MYPN: variants seen among roughly 807,000 people sequenced by gnomAD.
MYPN encodes sarcomeric protein myopalladin, 145 kDa (MYOP).
In MYPN, 63 loss-of-function variants were observed where a neutral mutation model predicts 129.4. The ratio of observed to expected loss-of-function variants is 0.49; its 90% confidence interval spans 0.40 to 0.60. The LOEUF is 0.60. MYPN is among the 20% of genes least tolerant of loss of function. The pLI, the probability that MYPN is intolerant of heterozygous loss-of-function variation, is 0.00. For synonymous variants in MYPN, 629 were observed against 600.9 expected, an observed-to-expected ratio of 1.05 and a Z score of -0.68; for missense variants, 1,596 against 1,635.4, an observed-to-expected ratio of 0.98 and a Z score of 0.42.
At chr10:68,124,731 G>C (rs2042300267) in intron 2 of MYPN, among the ~76,000 whole-genome samples, 2 of 152,128 alleles carry the variant, frequency 1.3e-5, no homozygotes, top group Admixed American at 1.3e-4. Flanking sequence ...TGAGCTAGTG[G>C]ATAAAGAAAC....
chr10:68,163,381 C>T (rs1252486867), intron 8 of MYPN, among the ~76,000 whole-genome samples: 1 of 152,094 alleles, frequency 6.6e-6, no homozygotes, highest in Non-Finnish European at 1.5e-5. Context: ...AATCCCAGCA[C>T]TTTGGGAGGC....
At chr10:68,091,629 A>T (rs1341087388) in intron 1 of MYPN, among the ~76,000 whole-genome samples, 1 of 151,802 alleles carries the variant, frequency 6.6e-6, no homozygotes, top group African/African-American at 2.4e-5. Flanking sequence ...TCCGGGGCTC[A>T]AGTGATCTGC....
intron 9 of MYPN, 116 bp from the exon 10 acceptor site, chr10:68,166,178 G>A (rs990267899): frequency 4.9e-6 from 6 of 1,225,338 alleles, no homozygotes; most frequent in Non-Finnish European, 7.2e-6. Context: ...ATCTGTTTTT[G>A]ACAAGCATTT....
intron 8 of MYPN, among the ~76,000 whole-genome samples, chr10:68,164,501 C>A (rs988600025): frequency 3.9e-5 from 6 of 152,196 alleles, no homozygotes; most frequent in African/African-American, 1.2e-4. Context: ...ACCTGCCATG[C>A]CCCACTGGCC....
At chr10:68,196,483 C>CTTTTTTTT (rs71009021) in intron 15 of MYPN, among the ~76,000 whole-genome samples, 23,880 of 111,098 alleles carry the variant, frequency 0.21, 4,049 homozygotes, top group Non-Finnish European at 0.31. Context: ...CCTTCTTCTT[C>CTTTTTTTT]TTTTTTTTTT....
intron 3 of MYPN, 115 bp downstream of exon 3, chr10:68,143,230 A>T (rs1403606095): frequency 1.0e-6 from 1 of 989,474 alleles, no homozygotes; most frequent in Admixed American, 2.0e-5. Flanking sequence ...ATGAGGATAC[A>T]GCAGTGAACC....
At chr10:68,118,136 T>C (rs1392569430) in intron 1 of MYPN, among the ~76,000 whole-genome samples, 1 of 152,142 alleles carries the variant, frequency 6.6e-6, no homozygotes, top group African/African-American at 2.4e-5. Context: ...AACACCTCAA[T>C]TGGCTTCTTT....
chr10:68,137,297 G>T (rs947839814), intron 2 of MYPN, among the ~76,000 whole-genome samples: 1 of 152,162 alleles, frequency 6.6e-6, no homozygotes, highest in Non-Finnish European at 1.5e-5. Context: ...CGTTGTTTGG[G>T]TTGAAGTAAA....
At chr10:68,177,450 G>A (rs899346146) in intron 12 of MYPN, among the ~76,000 whole-genome samples, 3 of 152,190 alleles carry the variant, frequency 2.0e-5, no homozygotes, top group Non-Finnish European at 2.9e-5. Context: ...TGAAATTTGG[G>A]AAACTGGGAG....
chr10:68,127,655 G>C (rs758401755), intron 2 of MYPN, among the ~76,000 whole-genome samples: 1 of 151,944 alleles, frequency 6.6e-6, no homozygotes, highest in Non-Finnish European at 1.5e-5. Flanking sequence ...ATCTTTTTAA[G>C]ATAAAGTAGT....
At chr10:68,194,582 C>A in intron 14 of MYPN, 70 bp downstream of exon 14, 2 of 1,540,410 alleles carry the variant, frequency 1.3e-6, no homozygotes, top group Non-Finnish European at 1.8e-6. Context: ...GTGAATGAGA[C>A]CTTGAGAAGT....
At chr10:68,097,350 G>A (rs1213174937) in intron 1 of MYPN, among the ~76,000 whole-genome samples, 1 of 152,186 alleles carries the variant, frequency 6.6e-6, no homozygotes, top group Non-Finnish European at 1.5e-5. Flanking sequence ...AACTGCTGCT[G>A]TGTCTGACTC....
intron 1 of MYPN, among the ~76,000 whole-genome samples, chr10:68,096,487 G>A (rs2041957136): frequency 6.6e-6 from 1 of 152,174 alleles, no homozygotes; most frequent in South Asian, 2.1e-4. Flanking sequence ...ACTTGAACCT[G>A]GGAGGCGGAG....
At chr10:68,118,877 T>G (rs1182948889) in intron 1 of MYPN, among the ~76,000 whole-genome samples, 6 of 122,518 alleles carry the variant, frequency 4.9e-5, no homozygotes, top group East Asian at 2.4e-4. Context: ...AAAAGAGTGA[T>G]GAAGGAAGGA....
chr10:68,201,106 T>C (rs189907663), intron 17 of MYPN, among the ~76,000 whole-genome samples: 20 of 152,202 alleles, frequency 1.3e-4, no homozygotes, highest in African/African-American at 4.6e-4. Context: ...AAAACTATTA[T>C]GTCTTCTACA....
At chr10:68,115,366 A>G (rs2042142834) in intron 1 of MYPN, among the ~76,000 whole-genome samples, 1 of 151,902 alleles carries the variant, frequency 6.6e-6, no homozygotes, top group African/African-American at 2.4e-5. Context: ...GCCTCATCCC[A>G]GCAAATGATT....
intron 1 of MYPN, among the ~76,000 whole-genome samples, chr10:68,120,279 TATA>T (rs1383948846): frequency 3.3e-5 from 5 of 152,184 alleles, no homozygotes; most frequent in Admixed American, 3.3e-4. Flanking sequence ...AATAAATGGA[TATA>T]ATATTAAAAA....
At chr10:68,136,555 T>C (rs1234907817) in intron 2 of MYPN, 9 of 1,444,246 alleles carry the variant, frequency 6.2e-6, no homozygotes, top group African/African-American at 1.4e-5. Context: ...TCTAAGTGGG[T>C]CATGCTGTTA....
At chr10:68,169,362 T>TAAA (rs34539408) in intron 10 of MYPN, among the ~76,000 whole-genome samples, 1 of 127,190 alleles carries the variant, frequency 7.9e-6, no homozygotes, top group Non-Finnish European at 1.6e-5. Context: ...CGTCTCAAAT[T>TAAA]AAAAAAAAAA....
Sources: allele counts gnomAD v4.1 joint callset (sites outside exome capture counted in the v4.1 genomes callset), GRCh38; gene constraint gnomAD v4.1.1; transcripts MANE v1.5; gene names NCBI Gene and HGNC (gene_info 2026-07-23, HGNC 2026-07-21).